Variants in SYCE1 observed in about 807,000 individuals in gnomAD.
SYCE1 encodes the protein cancer/testis antigen 76.
In SYCE1, 37 loss-of-function variants were observed where a neutral mutation model predicts 55.1. The observed-to-expected ratio is 0.67, with a 90% CI of 0.52 to 0.88. The LOEUF is 0.88. Ranked by LOEUF, SYCE1 falls within the 40% of genes least tolerant of loss-of-function variation. The probability of loss-of-function intolerance (pLI) is 0.00; values close to 1 mark genes in which losing one functional copy is unlikely to be tolerated. For missense variants in SYCE1, 399 were observed against 416.4 expected, an observed-to-expected ratio of 0.96 and a Z score of 0.36; for synonymous variants, 163 against 159.4, an observed-to-expected ratio of 1.02 and a Z score of -0.17.
chr10:133,566,073 G>A (rs1851928296), upstream of SYCE1, among the ~76,000 whole-genome samples: 1 of 152,230 alleles, frequency 6.6e-6, no homozygotes, highest in African/African-American at 2.4e-5. Flanking sequence ...CCTGCCCCTA[G>A]GCCGCGTTCC....
chr10:133,558,946 T>C lies in SYCE1; in HGVS notation c.202A>G (p.Lys68Glu). Residue 68 changes from lysine (K) to glutamate (E), a missense_variant, in exon 4 of 13, where the codon AAG becomes GAG. By Grantham distance (56) the Lys-to-Glu change is moderately conservative. Transcript: ENST00000343131. ...TCTCCTAGGTCTTTATTGGCTTTCTTTTTTGCTTCACCAAAGAGCAGAAAA... is the reference window on the plus strand; with the variant it reads ...TCTCCTAGGTCTTTATTGGCTTTCTCTTTTGCTTCACCAAAGAGCAGAAAA... ...NRINEVQQAKKKANKDLGEAR... is the reference protein window; with the variant it reads ...NRINEVQQAKEKANKDLGEAR... 1 of 1,610,742 alleles carries C rather than the reference T, an allele frequency of 6.2e-7. No homozygotes were observed. Among genetic ancestry groups the C allele is most frequent in the Non-Finnish European group, 8.5e-7 (1 of 1,179,282 alleles).
intron 3 of SYCE1, 81 bp from the exon 4 acceptor site, chr10:133,559,032 G>C: frequency 7.0e-7 from 1 of 1,431,260 alleles, no homozygotes; most frequent in South Asian, 1.3e-5. Flanking sequence ...TTTGCCTTCA[G>C]GTAAATCTAT....
At chr10:133,567,438 AGG>A (rs1554906859), upstream of SYCE1, among the ~76,000 whole-genome samples, 1 of 124,844 alleles carries the variant, frequency 8.0e-6, no homozygotes, top group East Asian at 3.5e-4. Context: ...CGTTAGGGTC[AGG>A]GGTTAGGGGT....
chr10:133,556,313 T>C lies in SYCE1; in HGVS notation c.529-266A>G. 3.5e-6 allele frequency: 2 copies of C among 571,146 alleles called. 1 individual carries two copies. Among genetic ancestry groups the C allele is most frequent in the South Asian group, 4.5e-5 (2 of 44,800 alleles). The allele number at this position is 571,146 out of a possible 1,614,324, so 35.4% of individuals were successfully genotyped here. On this transcript the variant is annotated intron_variant, in intron 8 of 12. Coordinates refer to ENST00000343131, the MANE Select transcript of SYCE1 (RefSeq NM_001143764.3). ...ACAACAGATAAACCTGCAAGCACTG[T>C]GAGTCTTGGCTGTTTTCTGGAGGAT... is the stretch of plus-strand genomic sequence containing the variant.
intron 6 of SYCE1, chr10:133,557,604 C>G (rs1321112743): frequency 3.5e-6 from 2 of 564,632 alleles, no homozygotes; most frequent in African/African-American, 1.9e-5. Flanking sequence ...AGGAGTATGA[C>G]AAAGAGTAAA....
intron 8 of SYCE1, 179 bp from the exon 9 acceptor site, chr10:133,556,226 T>C: frequency 1.5e-6 from 1 of 654,756 alleles, no homozygotes. Context: ...TCCCTCCCTG[T>C]GCACTTCTGT....
At chr10:133,567,608 T>C (rs1417725645), upstream of SYCE1, among the ~76,000 whole-genome samples, 5 of 152,060 alleles carry the variant, frequency 3.3e-5, no homozygotes, top group Admixed American at 3.3e-4. Context: ...TTGGTCCATT[T>C]CATTACTTCT....
At chr10:133,554,635 AT>A, downstream of SYCE1, 1 of 722,936 alleles carries the variant, frequency 1.4e-6, no homozygotes, top group Non-Finnish European at 2.5e-6. Context: ...ACTGATCCTC[AT>A]TTTTAATTTT....
At chr10:133,567,919 G>A (rs1304839851), upstream of SYCE1, 2 of 532,236 alleles carry the variant, frequency 3.8e-6, no homozygotes, top group Non-Finnish European at 7.2e-6. Flanking sequence ...CAGGTGGATG[G>A]CGAGGCAGCA....
chr10:133,554,767 G>A, downstream of SYCE1: 2 of 1,438,606 alleles, frequency 1.4e-6, no homozygotes, highest in Admixed American at 2.1e-5. Flanking sequence ...CCCACTGTGA[G>A]AGCGTCTCGG....
chr10:133,556,148 C>T (rs1851678114), intron 8 of SYCE1, 101 bp from the exon 9 acceptor site: 1 of 1,355,110 alleles, frequency 7.4e-7, no homozygotes, highest in African/African-American at 1.4e-5. Context: ...CTATGCCTCA[C>T]TTCCAACAAC....
At chr10:133,559,634 T>TA (rs1031733742) in intron 2 of SYCE1, 1 of 463,974 alleles carries the variant, frequency 2.2e-6, no homozygotes, top group African/African-American at 2.0e-5. Context: ...GCTCCTGAGA[T>TA]ATGGGAAGGG....
chr10:133,554,325 G>A (rs761388310), downstream of SYCE1: 3 of 1,614,076 alleles, frequency 1.9e-6, no homozygotes, highest in East Asian at 2.2e-5. Context: ...CCTGGTCTGG[G>A]AGCCTGTCAA....
intron 8 of SYCE1, 37 bp from the exon 9 acceptor site, chr10:133,556,084 G>C (rs746561716): frequency 3.0e-5 from 49 of 1,607,320 alleles, no homozygotes; most frequent in Admixed American, 1.2e-4. Flanking sequence ...ACTCCTCTTG[G>C]CTTTCCCCCA....
chr10:133,556,092 C>A, intron 8 of SYCE1, 45 bp from the exon 9 acceptor site: 1 of 1,603,596 alleles, frequency 6.2e-7, no homozygotes. Flanking sequence ...TGGCTTTCCC[C>A]CATGCCTCAA....
At chr10:133,562,008 T>G (rs2133626957) in intron 1 of SYCE1, among the ~76,000 whole-genome samples, 1 of 152,268 alleles carries the variant, frequency 6.6e-6, no homozygotes, top group East Asian at 1.9e-4. Context: ...CAAGGCCACC[T>G]TTTTGCTAGC....
intron 8 of SYCE1, chr10:133,556,408 C>T (rs796908174): frequency 9.5e-6 from 5 of 523,820 alleles, no homozygotes; most frequent in African/African-American, 9.5e-5. Flanking sequence ...TCACTGAGCC[C>T]TTCCTTCCTG....
intron 7 of SYCE1, 49 bp downstream of exon 7, chr10:133,557,018 T>C (rs1184746577): frequency 6.4e-7 from 1 of 1,570,046 alleles, no homozygotes; most frequent in Non-Finnish European, 8.8e-7. Context: ...TGACATTATA[T>C]CCCAACTACT....
chr10:133,563,398 T>G (rs1026699893), intron 1 of SYCE1, among the ~76,000 whole-genome samples: 1 of 152,178 alleles, frequency 6.6e-6, no homozygotes, highest in African/African-American at 2.4e-5. Context: ...CATACATGCA[T>G]AAGGCCAGGC....
Sources: allele counts gnomAD v4.1 joint callset (sites outside exome capture counted in the v4.1 genomes callset), GRCh38; gene constraint gnomAD v4.1.1; transcripts MANE v1.5; gene names NCBI Gene and HGNC (gene_info 2026-07-23, HGNC 2026-07-21).